BNC2: variants seen among roughly 807,000 people sequenced by gnomAD.
The protein encoded by BNC2 is basonuclin zinc finger protein 2.
A neutral mutation model predicts 76.3 loss-of-function variants in BNC2; 20 were observed. That is an observed-to-expected ratio of 0.26 (90% CI 0.18 to 0.38). The LOEUF is 0.38. Among genes scored for constraint, BNC2 ranks in the 10% least tolerant of loss-of-function variants. BNC2 has a pLI of 1.00. For synonymous variants in BNC2, 582 were observed against 514.8 expected (o/e 1.13, Z -1.77); for missense variants, 1,382 against 1,399.8 (o/e 0.99, Z 0.20).
chr9:16,823,279 T>C (rs911280123), intron 1 of BNC2, among the ~76,000 whole-genome samples: 6 of 152,070 alleles, frequency 3.9e-5, no homozygotes, highest in African/African-American at 1.4e-4. Flanking sequence ...AAACATTATA[T>C]ATAAAATAGT....
intron 5 of BNC2, among the ~76,000 whole-genome samples, chr9:16,500,962 C>T (rs1244629918): frequency 3.3e-5 from 5 of 152,112 alleles, no homozygotes; most frequent in Admixed American, 3.3e-4. Flanking sequence ...ATAAATCATA[C>T]TAAGACAGTG....
chr9:16,819,207 GTATTTGACAGATTT>G (rs1472535140), intron 1 of BNC2, among the ~76,000 whole-genome samples: 1 of 152,170 alleles, frequency 6.6e-6, no homozygotes, highest in Non-Finnish European at 1.5e-5. Context: ...AGTAGAGATG[GTATTTGACAGATTT>G]TATTAATTCA....
At chr9:16,508,570 C>T (rs1243464238) in intron 5 of BNC2, among the ~76,000 whole-genome samples, 2 of 152,144 alleles carry the variant, frequency 1.3e-5, no homozygotes, top group African/African-American at 2.4e-5. Context: ...TTCTTCACAC[C>T]TGAATTTATT....
chr9:16,552,787 T>C, intron 4 of BNC2, 22 bp from the exon 5 acceptor site: 1 of 1,586,670 alleles, frequency 6.3e-7, no homozygotes, highest in Non-Finnish European at 8.7e-7. Flanking sequence ...CCGCCAAAGT[T>C]CCAGAGATGG....
chr9:16,604,552 T>C (rs536468215), intron 3 of BNC2, among the ~76,000 whole-genome samples: 3 of 152,290 alleles, frequency 2.0e-5, no homozygotes, highest in African/African-American at 7.2e-5. Flanking sequence ...ACCCCAGCAC[T>C]TAGGGACACT....
intron 5 of BNC2, among the ~76,000 whole-genome samples, chr9:16,453,389 C>T (rs981180134): frequency 6.6e-6 from 1 of 152,164 alleles, no homozygotes; most frequent in Non-Finnish European, 1.5e-5. Context: ...CCATCCAAAC[C>T]CCATCAATGT....
chr9:16,749,304 A>G lies in BNC2; in HGVS notation c.4-10819T>C, dbSNP rs185811879. Among the ~76,000 whole-genome samples, 31 of 152,366 alleles carry G rather than the reference A, an allele frequency of 2.0e-4. 1 individual carries two copies. The East Asian group carries it at 5.8e-3, about 28-fold the overall frequency. ...CAAATCAGTACACGTGTTGTTAGTT[A>G]TAATATATCCAGGAACATACGTTAT... On this transcript the variant is annotated intron_variant, in intron 1 of 6. Coordinates refer to ENST00000380672, the MANE Select transcript of BNC2 (RefSeq NM_017637.6).
intron 3 of BNC2, among the ~76,000 whole-genome samples, chr9:16,591,014 T>C (rs776115174): frequency 8.5e-5 from 13 of 152,184 alleles, no homozygotes; most frequent in Non-Finnish European, 1.6e-4. Context: ...ATATAGGTTG[T>C]GTATGATATG....
chr9:16,693,710 C>T (rs1449002379), intron 3 of BNC2, among the ~76,000 whole-genome samples: 1 of 152,142 alleles, frequency 6.6e-6, no homozygotes, highest in Non-Finnish European at 1.5e-5. Flanking sequence ...ATTCTTATCT[C>T]CCAACATCTC....
intron 3 of BNC2, among the ~76,000 whole-genome samples, chr9:16,629,288 G>C (rs1308199221): frequency 1.3e-5 from 2 of 152,128 alleles, no homozygotes; most frequent in African/African-American, 4.8e-5. Context: ...TTACACCATA[G>C]TTGTGTGAAT....
chr9:16,750,606 T>C (rs1825161913), intron 1 of BNC2, among the ~76,000 whole-genome samples: 1 of 152,232 alleles, frequency 6.6e-6, no homozygotes. Context: ...AACTCTAGAA[T>C]CTGCCAGATT....
chr9:16,755,867 A>G (rs1053998949), intron 1 of BNC2, among the ~76,000 whole-genome samples: 1 of 152,158 alleles, frequency 6.6e-6, no homozygotes, highest in African/African-American at 2.4e-5. Flanking sequence ...CGCTTTTCTT[A>G]GGAGTGTTTC....
chr9:16,861,504 T>C (rs1819410119), intron 1 of BNC2, among the ~76,000 whole-genome samples: 1 of 151,778 alleles, frequency 6.6e-6, no homozygotes, highest in Non-Finnish European at 1.5e-5. Context: ...AAGTGAAAAA[T>C]GGCCAATGGA....
intron 6 of BNC2, among the ~76,000 whole-genome samples, chr9:16,426,573 G>A (rs1820807963): frequency 6.6e-6 from 1 of 152,102 alleles, no homozygotes; most frequent in African/African-American, 2.4e-5. Context: ...ATTTAGCTAT[G>A]GCTTTATCTA....
chr9:16,442,170 G>A (rs879744844), intron 5 of BNC2, among the ~76,000 whole-genome samples: 11 of 152,156 alleles, frequency 7.2e-5, no homozygotes, highest in Non-Finnish European at 1.5e-4. Flanking sequence ...AGTTAAATGC[G>A]AGTTATTATC....
At chr9:16,678,724 G>A (rs1240544409) in intron 3 of BNC2, among the ~76,000 whole-genome samples, 1 of 150,432 alleles carries the variant, frequency 6.6e-6, no homozygotes, top group Non-Finnish European at 1.5e-5. Context: ...TGTGTGTAAA[G>A]GAATGGCTTT....
At chr9:16,434,621 A>T (rs1820967193) in intron 6 of BNC2, among the ~76,000 whole-genome samples, 1 of 152,212 alleles carries the variant, frequency 6.6e-6, no homozygotes, top group Non-Finnish European at 1.5e-5. Flanking sequence ...TAACCGCACT[A>T]TCCTGCCACT....
At position 16,685,367 on chromosome 9, in the gene BNC2, A is replaced by C. The variant is rs534457376; in HGVS notation, c.330+42430T>G. Among the ~76,000 whole-genome samples the C allele has an allele frequency of 1.2e-4, 18 of 152,352 alleles. No individual in the cohort carries two copies. In the East Asian group the frequency reaches 3.3e-3, roughly 28 times the overall value. ...TTGACTGAACAGACAAATGATCTAC[A>C]GTTACAGACAACGCATCCTGAAAAG... is the stretch of plus-strand genomic sequence containing the variant. On this transcript the variant is annotated intron_variant, in intron 3 of 6. Transcript: ENST00000380672.
At chr9:16,558,695 T>C (rs28457730) in intron 4 of BNC2, among the ~76,000 whole-genome samples, 2 of 151,714 alleles carry the variant, frequency 1.3e-5, no homozygotes, top group Non-Finnish European at 2.9e-5. Flanking sequence ...CTTTGGGAGG[T>C]TGAGGCGGGC....
Sources: gnomAD v4.1 joint callset for allele counts (sites outside exome capture counted in the v4.1 genomes callset) on GRCh38, gnomAD v4.1.1 for gene constraint, MANE v1.5 for transcripts, NCBI Gene and HGNC (gene_info 2026-07-23, HGNC 2026-07-21) for gene names.